The following LRSAM1 variants were observed in gnomAD, a reference collection of about 807,000 sequenced individuals.
The protein encoded by LRSAM1 is leucine rich repeat and sterile alpha motif containing 1.
LRSAM1 carries 96 observed loss-of-function variants against 118.1 expected under a neutral mutation model. That is an observed-to-expected ratio of 0.81 (90% CI 0.69 to 0.96). LRSAM1 has a LOEUF of 0.96. LRSAM1 is among the 40% of genes least tolerant of loss of function. LRSAM1 has a pLI of 0.00. For synonymous variants in LRSAM1, 322 were observed against 364.2 expected (o/e 0.88, Z 1.32); for missense variants, 804 against 915.5 (o/e 0.88, Z 1.57).
chr9:127,458,309 G>A (rs1418641897), intron 6 of LRSAM1, among the ~76,000 whole-genome samples: 11 of 151,812 alleles, frequency 7.2e-5, no homozygotes, highest in African/African-American at 2.7e-4. Context: ...GTGAACCCGG[G>A]AAGCGGAGCT....
At chr9:127,497,865 G>A (rs1253245787) in intron 24 of LRSAM1, among the ~76,000 whole-genome samples, 1 of 152,248 alleles carries the variant, frequency 6.6e-6, no homozygotes, top group East Asian at 1.9e-4. Flanking sequence ...CGCTGTGCAT[G>A]AACCACGTTG....
At chr9:127,478,052 CAAAAA>C (rs368060643) in intron 11 of LRSAM1, among the ~76,000 whole-genome samples, 3 of 72,268 alleles carry the variant, frequency 4.2e-5, no homozygotes. Flanking sequence ...AACTCCGTCT[CAAAAA>C]AAAAAAAAAA....
chr9:127,491,599 C>A (rs1279253716), intron 20 of LRSAM1, among the ~76,000 whole-genome samples: 1 of 152,228 alleles, frequency 6.6e-6, no homozygotes, highest in East Asian at 1.9e-4. Context: ...TGGGTGCGGG[C>A]CCGCCGCTGA....
At chr9:127,502,060 G>C (rs908145480) in intron 25 of LRSAM1, among the ~76,000 whole-genome samples, 1 of 152,228 alleles carries the variant, frequency 6.6e-6, no homozygotes, top group Non-Finnish European at 1.5e-5. Context: ...CTCCGGGTTG[G>C]GATTGTTTGT....
rs1049845526 is a variant in LRSAM1 at position 127,466,474 on chromosome 9, T to C, written c.529-1266T>C. 4.6e-3 allele frequency among the ~76,000 whole-genome samples: 161 copies of C among 35,100 alleles called. 4 individuals are homozygous for C. Among genetic ancestry groups the C allele is most frequent in the African/African-American group, 0.014 (153 of 10,782 alleles). 23.0% of individuals were successfully genotyped at this position (35,100 alleles called of 152,430 possible). A position where few individuals can be genotyped will look rare whatever the true frequency, so the allele number is the denominator to read the frequency against. On this transcript the variant is annotated intron_variant, in intron 9 of 25. Coordinates refer to ENST00000300417, the MANE Select transcript of LRSAM1 (RefSeq NM_001005373.4). ...AATATATTATCTAACAAAGGAAGAA[T>C]CATATATATATATATATATATATAT...
At position 127,465,275 on chromosome 9, in the gene LRSAM1, T is replaced by C. The variant is rs143859538; in HGVS notation, c.529-2465T>C. ...CTGCTCCTGCTGCCCACGATGAGAATGCTCTATGATCTGTGCAGCCAACAT... is the reference window on the plus strand; with the variant it reads ...CTGCTCCTGCTGCCCACGATGAGAACGCTCTATGATCTGTGCAGCCAACAT... On this transcript the variant is annotated intron_variant, in intron 9 of 25. Coordinates refer to ENST00000300417, the MANE Select transcript of LRSAM1 (RefSeq NM_001005373.4). This position sits in a 1 kb window ranked among gnomAD's most constrained non-coding sequence, Gnocchi z 4.1. 3.2e-3 allele frequency among the ~76,000 whole-genome samples: 487 copies of C among 152,336 alleles called. 1 individual carries two copies. Among genetic ancestry groups the C allele is most frequent in the African/African-American group, 0.011 (467 of 41,580 alleles).
rs572330792 is a variant in LRSAM1 at position 127,454,533 on chromosome 9, G to A, written c.6G>A (p.Pro2=). The A allele has an allele frequency of 3.0e-5, 48 of 1,614,084 alleles. No homozygotes were observed. The highest frequency in any genetic ancestry group is 2.2e-4 in the Admixed American group (13 of 60,006). ...CGCTCTGGGAAAAGGGAAGGATGCC[G>A]CTCTTCTTCCGGAAGCGGAAACCCA... is the stretch of plus-strand genomic sequence containing the variant. M[P]LFFRKRKPSE... is the part of the protein sequence containing the mutation. The change falls in exon 3 of 26, where the codon CCG becomes CCA. Residue 2 remains proline, a synonymous_variant. Coordinates refer to ENST00000300417, the MANE Select transcript of LRSAM1 (RefSeq NM_001005373.4).
At position 127,496,057 on chromosome 9, in the gene LRSAM1, G is replaced by C; in HGVS notation, c.1792G>C (p.Asp598His). ...CTTTGCGCACCACCGCCTCTCACTG[G>C]ACCTGCTGAGCCAAATGAGCCCAGG... ...PIFAHHRLSL[D>H]LLSQMSPGDL... The change falls in exon 23 of 26, where the codon GAC becomes CAC. Residue 598 changes from aspartate to histidine, a missense_variant. Physicochemically the swap from Asp to His is moderately conservative, Grantham distance 81. Coordinates refer to ENST00000300417, the MANE Select transcript of LRSAM1 (RefSeq NM_001005373.4). The C allele has an allele frequency of 6.2e-7, 1 of 1,611,916 alleles. No homozygotes were observed. Among genetic ancestry groups the C allele is most frequent in the Non-Finnish European group, 8.5e-7 (1 of 1,180,018 alleles).
At position 127,462,289 on chromosome 9, in the gene LRSAM1, G is replaced by A. The variant is rs1564255367; in HGVS notation, c.444G>A (p.Glu148=). The A allele has an allele frequency of 6.2e-7, 1 of 1,614,122 alleles. No homozygotes were observed. Among genetic ancestry groups the A allele is most frequent in the Admixed American group, 1.7e-5 (1 of 60,012 alleles). ...KLKELPDTVG[E]LRSLRTLNIS... ...AGGAGCTTCCAGACACCGTGGGGGA[G>A]CTTCGAAGCCTGCGTACCCTCAACA... The change falls in exon 9 of 26, where the codon GAG becomes GAA. Residue 148 remains glutamate (E), a synonymous_variant. Coordinates refer to ENST00000300417, the MANE Select transcript of LRSAM1 (RefSeq NM_001005373.4).
Position 127,492,872 on chromosome 9 carries a change from G to T in LRSAM1, c.1574G>T (p.Arg525Leu). Residue 525 changes from arginine (R) to leucine (L), a missense_variant, in exon 21 of 26, where the codon CGA becomes CTA. Coordinates refer to ENST00000300417, the MANE Select transcript of LRSAM1 (RefSeq NM_001005373.4). ...CAGCTGCTCAAAGAGAAGCAGCAGCGAGAGGAAGAGCTCCGGGAAATCCTG... is the reference window on the plus strand; with the variant it reads ...CAGCTGCTCAAAGAGAAGCAGCAGCTAGAGGAAGAGCTCCGGGAAATCCTG... ...LQQLLKEKQQREEELREILTE... is the reference protein window; with the variant it reads ...LQQLLKEKQQLEEELREILTE... 6.2e-7 allele frequency: 1 copy of T among 1,614,062 alleles called. No homozygotes were observed. Among genetic ancestry groups the T allele is most frequent in the South Asian group, 1.1e-5 (1 of 91,076 alleles).
chr9:127,454,549 C>A lies in LRSAM1; in HGVS notation c.22C>A (p.Arg8=). The change falls in exon 3 of 26, where the codon CGG becomes AGG. Residue 8 remains arginine (R), a synonymous_variant. Coordinates refer to ENST00000300417, the MANE Select transcript of LRSAM1 (RefSeq NM_001005373.4). ...AAGGATGCCGCTCTTCTTCCGGAAG[C>A]GGAAACCCAGTGAGGAGGCTCGGAA... MPLFFRK[R]KPSEEARKRL... 6.2e-7 allele frequency: 1 copy of A among 1,614,162 alleles called. No homozygotes were observed. The highest frequency in any genetic ancestry group is 8.5e-7 in the Non-Finnish European group (1 of 1,180,038).
At chr9:127,502,560 G>A (rs750784469) in intron 25 of LRSAM1, among the ~76,000 whole-genome samples, 1 of 151,942 alleles carries the variant, frequency 6.6e-6, no homozygotes. Context: ...GGTGGTGCAC[G>A]CCTGTAGTCC....
At chr9:127,472,105 G>A (rs1402364441) in intron 10 of LRSAM1, among the ~76,000 whole-genome samples, 1 of 148,562 alleles carries the variant, frequency 6.7e-6, no homozygotes, top group African/African-American at 2.5e-5. Context: ...GGGATTACAG[G>A]CGCCCACCAC....
chr9:127,494,022 A>G (rs1475166566), intron 21 of LRSAM1, among the ~76,000 whole-genome samples: 1 of 152,194 alleles, frequency 6.6e-6, no homozygotes, highest in East Asian at 1.9e-4. Context: ...CCCTACTGCC[A>G]TCTCCTACGC....
chr9:127,487,659 T>C lies in LRSAM1; in HGVS notation c.1260-17T>C. 6.2e-7 allele frequency: 1 copy of C among 1,611,570 alleles called. No individual in the cohort carries two copies. Among genetic ancestry groups the C allele is most frequent in the East Asian group, 2.2e-5 (1 of 44,862 alleles). On this transcript the variant is annotated splice_polypyrimidine_tract_variant and intron_variant, in intron 17 of 25. Coordinates refer to ENST00000300417, the MANE Select transcript of LRSAM1 (RefSeq NM_001005373.4). ...GAAACGTTCCAAGAATGAATGAATT[T>C]GCTGTCTTTCTGGCAGCATGGCCGA...
intron 2 of LRSAM1, 71 bp from the exon 3 acceptor site, chr9:127,454,425 T>C: frequency 1.8e-6 from 2 of 1,140,492 alleles, no homozygotes; most frequent in Non-Finnish European, 2.6e-6. Flanking sequence ...TCTGTGTTAC[T>C]GCACTACCTG....
chr9:127,454,783 C>T (rs1435366261), intron 3 of LRSAM1, among the ~76,000 whole-genome samples, 184 bp downstream of exon 3: 1 of 152,208 alleles, frequency 6.6e-6, no homozygotes, highest in Non-Finnish European at 1.5e-5. Context: ...CCCCTGTAGA[C>T]TGAGCGCACT....
chr9:127,495,214 A>G lies in LRSAM1; in HGVS notation c.1600-106A>G, dbSNP rs151329660. The G allele has an allele frequency of 4.9e-3, 5,025 of 1,022,318 alleles. 21 individuals are homozygous for G. The highest frequency in any genetic ancestry group is 0.013 in the Middle Eastern group (55 of 4,242). 63.3% of individuals were successfully genotyped at this position (1,022,318 alleles called of 1,614,324 possible). A position where few individuals can be genotyped will look rare whatever the true frequency, so the allele number is the denominator to read the frequency against. ...GTGATCTGCCCACCTTGGCCCCCCAAAGTGCTGGGATTACAGGCATGAGCC... is the reference window on the plus strand; with the variant it reads ...GTGATCTGCCCACCTTGGCCCCCCAGAGTGCTGGGATTACAGGCATGAGCC... On this transcript the variant is annotated intron_variant, in intron 21 of 25. Coordinates refer to ENST00000300417, the MANE Select transcript of LRSAM1 (RefSeq NM_001005373.4).
chr9:127,502,721 G>A (rs1836440631), intron 25 of LRSAM1, 53 bp from the exon 26 acceptor site: 5 of 1,587,478 alleles, frequency 3.1e-6, no homozygotes, highest in Non-Finnish European at 4.3e-6. Flanking sequence ...GACGGGCCTG[G>A]GACTCCTGGA....
Sources: allele counts gnomAD v4.1 joint callset (sites outside exome capture counted in the v4.1 genomes callset), GRCh38; gene constraint gnomAD v4.1.1; non-coding constraint Gnocchi (gnomAD v3.1); transcripts MANE v1.5; gene names NCBI Gene and HGNC (gene_info 2026-07-23, HGNC 2026-07-21).